The following CALCRL variants were observed in gnomAD, a reference collection of about 807,000 sequenced individuals.
The protein encoded by CALCRL is calcitonin gene-related peptide type 1 receptor.
CALCRL carries 27 observed loss-of-function variants against 60.4 expected under a neutral mutation model. The ratio of observed to expected loss-of-function variants is 0.45; its 90% CI spans 0.33 to 0.62. The LOEUF is 0.62. Ranked by LOEUF, CALCRL falls within the 20% of genes least tolerant of loss-of-function variation. CALCRL has a pLI of 0.03. For synonymous variants in CALCRL, 190 were observed against 182.6 expected (o/e 1.04, Z -0.33); for missense variants, 424 against 540.7 (o/e 0.78, Z 2.14).
intron 1 of CALCRL, among the ~76,000 whole-genome samples, chr2:187,394,492 A>G (rs531077147): frequency 6.6e-6 from 1 of 152,204 alleles, no homozygotes; most frequent in Non-Finnish European, 1.5e-5. Flanking sequence ...AAAAATCCTT[A>G]CCTGACAAAA....
At chr2:187,373,354 G>A (rs1687614222) in intron 8 of CALCRL, among the ~76,000 whole-genome samples, 1 of 152,152 alleles carries the variant, frequency 6.6e-6, no homozygotes, top group African/African-American at 2.4e-5. Flanking sequence ...CAAAAATTGA[G>A]TAAGCTACAC....
At position 187,387,473 on chromosome 2, in the gene CALCRL, G is replaced by A. The variant is rs1688256228; in HGVS notation, c.-181C>T. 3.6e-6 allele frequency: 1 copy of A among 279,100 alleles called. No homozygotes were observed. Among genetic ancestry groups the A allele is most frequent in the Non-Finnish European group, 6.5e-6 (1 of 152,808 alleles). 17.3% of individuals were successfully genotyped at this position (279,100 alleles called of 1,614,324 possible). On this transcript the variant is annotated 5_prime_UTR_variant, in exon 3 of 15. Coordinates refer to ENST00000392370, the MANE Select transcript of CALCRL (RefSeq NM_005795.6). Reference sequence around the variant, plus strand: ...AATATTGTTTTCTATAGGCTAGTATGGGTTTTTATTATTAGACGATCTTGA... The same window carrying A: ...AATATTGTTTTCTATAGGCTAGTATAGGTTTTTATTATTAGACGATCTTGA...
At chr2:187,373,059 C>G (rs569218267) in intron 8 of CALCRL, among the ~76,000 whole-genome samples, 46 of 152,176 alleles carry the variant, frequency 3.0e-4, no homozygotes, top group Non-Finnish European at 5.6e-4. Flanking sequence ...AAGGGACATG[C>G]TGAAGGTCAC....
At chr2:187,415,938 C>T in intron 1 of CALCRL, 1 of 212,432 alleles carries the variant, frequency 4.7e-6, no homozygotes, top group Non-Finnish European at 9.3e-6. Context: ...TCCCCCACCA[C>T]ACTAAGAATC....
chr2:187,371,027 A>G lies in CALCRL; in HGVS notation c.501-7525T>C, dbSNP rs534731360. 1.6e-4 allele frequency among the ~76,000 whole-genome samples: 25 copies of G among 152,176 alleles called. No individual in the cohort carries two copies. In the South Asian group the frequency reaches 2.5e-3, roughly 15 times the overall value. On this transcript the variant is annotated intron_variant, in intron 8 of 14. Coordinates refer to ENST00000392370, the MANE Select transcript of CALCRL (RefSeq NM_005795.6). ...GGAGGCCAAGGCGGGCAGATCACGAATTCAGGAGATCAAGATCATCCTGGC... is the reference window on the plus strand; with the variant it reads ...GGAGGCCAAGGCGGGCAGATCACGAGTTCAGGAGATCAAGATCATCCTGGC...
intron 1 of CALCRL, among the ~76,000 whole-genome samples, chr2:187,444,468 A>AC (rs1223141242): frequency 4.0e-5 from 6 of 151,662 alleles, no homozygotes; most frequent in Non-Finnish European, 7.4e-5. Context: ...AACATTAAAA[A>AC]ATAAAACTTG....
At chr2:187,444,426 A>G (rs1355012726) in intron 1 of CALCRL, among the ~76,000 whole-genome samples, 1 of 151,626 alleles carries the variant, frequency 6.6e-6, no homozygotes, top group Non-Finnish European at 1.5e-5. Context: ...GTAATGGAAA[A>G]GGTGTATAAC....
intron 8 of CALCRL, among the ~76,000 whole-genome samples, chr2:187,370,989 TC>T (rs756770514): frequency 6.6e-6 from 1 of 152,146 alleles, no homozygotes; most frequent in East Asian, 1.9e-4. Flanking sequence ...ACGCCTGTAA[TC>T]CCAGCATTTT....
At chr2:187,349,118 C>T (rs1686411434) in intron 14 of CALCRL, among the ~76,000 whole-genome samples, 2 of 151,580 alleles carry the variant, frequency 1.3e-5, no homozygotes, top group African/African-American at 4.8e-5. Flanking sequence ...AATTGTCTGT[C>T]CTCAACAAAA....
intron 1 of CALCRL, among the ~76,000 whole-genome samples, chr2:187,427,828 C>A (rs922102540): frequency 1.3e-5 from 2 of 151,992 alleles, no homozygotes; most frequent in African/African-American, 2.4e-5. Context: ...ACAATGAAGT[C>A]AAAAAGAGAG....
At chr2:187,437,062 T>G (rs950260575) in intron 1 of CALCRL, among the ~76,000 whole-genome samples, 11 of 152,168 alleles carry the variant, frequency 7.2e-5, no homozygotes, top group African/African-American at 2.4e-4. Flanking sequence ...TTTAATCTTG[T>G]TCCTTCCATT....
intron 1 of CALCRL, among the ~76,000 whole-genome samples, chr2:187,397,627 G>A (rs1404186040): frequency 6.6e-6 from 1 of 151,462 alleles, no homozygotes; most frequent in Non-Finnish European, 1.5e-5. Flanking sequence ...TGGGCTTTTA[G>A]TGTAACCATC....
chr2:187,414,577 CA>C (rs1689515648), intron 1 of CALCRL, among the ~76,000 whole-genome samples: 1 of 152,064 alleles, frequency 6.6e-6, no homozygotes, highest in South Asian at 2.1e-4. Flanking sequence ...TGCCTAAACT[CA>C]AAGTATATAT....
At chr2:187,401,684 T>A (rs1315559166) in intron 1 of CALCRL, among the ~76,000 whole-genome samples, 1 of 151,668 alleles carries the variant, frequency 6.6e-6, no homozygotes, top group Non-Finnish European at 1.5e-5. Context: ...TTTTAATTTC[T>A]TATAGGAGTG....
intron 12 of CALCRL, among the ~76,000 whole-genome samples, chr2:187,355,414 A>G (rs148132371): frequency 2.0e-5 from 3 of 152,130 alleles, no homozygotes; most frequent in Non-Finnish European, 4.4e-5. Context: ...TATAATCTAC[A>G]TTAAGGTATA....
intron 1 of CALCRL, chr2:187,415,762 G>T: frequency 4.1e-6 from 2 of 491,032 alleles, no homozygotes; most frequent in Admixed American, 2.8e-5. Context: ...CGACCACTTT[G>T]TCAAGCTCAT....
chr2:187,432,267 C>G (rs761828622), intron 1 of CALCRL, among the ~76,000 whole-genome samples: 15 of 152,216 alleles, frequency 9.9e-5, no homozygotes, highest in Middle Eastern at 3.4e-3. Context: ...ATGTTGAAAG[C>G]AAGACATAGC....
In CALCRL at chr2:187,438,091, G is replaced by A. The variant is rs191799172; in HGVS notation, c.-293+9948C>T. Reference sequence around the variant, plus strand: ...GACATTTCTGGTAAATGAATAATTAGAATTCTGTTTTAAAAGAAAACAATA... The same window carrying A: ...GACATTTCTGGTAAATGAATAATTAAAATTCTGTTTTAAAAGAAAACAATA... On this transcript the variant is annotated intron_variant, in intron 1 of 14. Coordinates refer to ENST00000392370, the MANE Select transcript of CALCRL (RefSeq NM_005795.6). Among the ~76,000 whole-genome samples, 284 of 152,170 alleles carry A rather than the reference G, an allele frequency of 1.9e-3. 3 individuals carry two copies. Among genetic ancestry groups the A allele is most frequent in the African/African-American group, 6.7e-3 (280 of 41,532 alleles).
intron 8 of CALCRL, among the ~76,000 whole-genome samples, chr2:187,378,188 G>A (rs1687844827): frequency 6.6e-6 from 1 of 152,012 alleles, no homozygotes; most frequent in Admixed American, 6.6e-5. Context: ...GCAGCCACAG[G>A]AGCAAAAGGA....
Sources: gnomAD v4.1 joint callset for allele counts (sites outside exome capture counted in the v4.1 genomes callset) on GRCh38, gnomAD v4.1.1 for gene constraint, MANE v1.5 for transcripts, NCBI Gene and HGNC (gene_info 2026-07-23, HGNC 2026-07-21) for gene names.